The following FOLR1 variants were observed in gnomAD, a reference collection of about 807,000 sequenced individuals.
The protein encoded by FOLR1 is KB cells FBP.
Under a neutral mutation model 22.8 loss-of-function variants are expected in FOLR1, and 11 were observed. That is an observed-to-expected ratio of 0.48 (90% CI 0.30 to 0.80). The LOEUF (loss-of-function observed/expected upper bound fraction) is 0.80. Ranked by LOEUF, FOLR1 falls within the 30% of genes least tolerant of loss-of-function variation. The pLI, the probability that FOLR1 is intolerant of heterozygous loss-of-function variation, is 0.06. For missense variants in FOLR1, 273 were observed against 320.3 expected, an observed-to-expected ratio of 0.85 and a Z score of 1.13; for synonymous variants, 108 against 116.5, an observed-to-expected ratio of 0.93 and a Z score of 0.47.
Position 72,195,610 on chromosome 11 carries a change from A to G in FOLR1, c.358-2A>G, listed in dbSNP as rs369395654. The G allele has an allele frequency of 2.5e-6, 4 of 1,614,082 alleles. No individual in the cohort carries two copies. The highest frequency in any genetic ancestry group is 3.4e-6 in the Non-Finnish European group (4 of 1,180,042). ...CCCTTCTTTTGTATCAAAATCACCC[A>G]GGTGGATCAGAGCTGGCGCAAAGAG... On this transcript the variant is annotated splice_acceptor_variant, in intron 2 of 3. Transcript: ENST00000393676. LOFTEE classifies it high-confidence loss of function.
Position 72,192,344 on chromosome 11 carries a change from G to A in FOLR1, c.168+3G>A, listed in dbSNP as rs886048642. ...CCGAGGACAAGTTGCATGAGCAGGT[G>A]GGCCAGGGGGTGATCTGGGGTGGTG... On this transcript the variant is annotated splice_donor_region_variant and intron_variant, in intron 1 of 3. Coordinates refer to ENST00000393676, the MANE Select transcript of FOLR1 (RefSeq NM_016729.3). 6.2e-7 allele frequency: 1 copy of A among 1,613,972 alleles called. No individual in the cohort carries two copies. Among genetic ancestry groups the A allele is most frequent in the Non-Finnish European group, 8.5e-7 (1 of 1,180,006 alleles).
chr11:72,196,304 T>G (rs1051495168), downstream of FOLR1: 25 of 930,546 alleles, frequency 2.7e-5, no homozygotes, highest in Non-Finnish European at 4.1e-5. Context: ...ACCGCACATG[T>G]GTCTTGAGAA....
chr11:72,193,366 G>A (rs1301682511), intron 1 of FOLR1, among the ~76,000 whole-genome samples: 2 of 149,544 alleles, frequency 1.3e-5, no homozygotes, highest in African/African-American at 4.9e-5. Flanking sequence ...AAGGAAGGAA[G>A]GAAGGGGAGG....
intron 1 of FOLR1, among the ~76,000 whole-genome samples, chr11:72,194,236 C>T (rs1202303004): frequency 6.6e-6 from 1 of 152,166 alleles, no homozygotes; most frequent in Admixed American, 6.6e-5. Flanking sequence ...TAAGTTGTTT[C>T]TCAATAACTT....
At chr11:72,195,138 G>C in intron 1 of FOLR1, 133 bp from the exon 2 acceptor site, 1 of 899,502 alleles carries the variant, frequency 1.1e-6, no homozygotes, top group South Asian at 1.4e-5. Context: ...GGTCCCAATA[G>C]CAAGTATTTT....
In FOLR1 at chr11:72,196,227, C is replaced by G. The variant is rs1216595259; in HGVS notation, c.*50C>G. The G allele has an allele frequency of 4.4e-6, 7 of 1,604,456 alleles. No homozygotes were observed. Among genetic ancestry groups the G allele is most frequent in the Non-Finnish European group, 6.0e-6 (7 of 1,171,942 alleles). ...GAAATCCCTGCCCTGTTCAGCCCCA[C>G]AGCTCCCAACTATTTGGTTCCTGCT... is the stretch of plus-strand genomic sequence containing the variant. On this transcript the variant is annotated 3_prime_UTR_variant, in exon 4 of 4. Transcript: ENST00000393676.
Position 72,195,467 on chromosome 11 carries a change from T to A in FOLR1, c.357+8T>A, listed in dbSNP as rs886042924. Reference sequence around the variant, plus strand: ...GGGCCCTGGATCCAGCAGGTATGCATGGCTTCCTGCAGGTACAAGACCTAG... The same window carrying A: ...GGGCCCTGGATCCAGCAGGTATGCAAGGCTTCCTGCAGGTACAAGACCTAG... On this transcript the variant is annotated splice_region_variant and intron_variant, in intron 2 of 3. Coordinates refer to ENST00000393676, the MANE Select transcript of FOLR1 (RefSeq NM_016729.3). 28 of 1,614,050 alleles carry A rather than the reference T, an allele frequency of 1.7e-5. No individual in the cohort carries two copies. In the African/African-American group the frequency reaches 3.6e-4, roughly 21 times the overall value.
chr11:72,195,011 G>A (rs950323279), intron 1 of FOLR1, among the ~76,000 whole-genome samples: 4 of 152,214 alleles, frequency 2.6e-5, no homozygotes, highest in Admixed American at 1.3e-4. Flanking sequence ...AAGTACCTGG[G>A]TGAGAGTAAG....
In FOLR1 at chr11:72,195,648, G is replaced by A. The variant is rs749779274; in HGVS notation, c.394G>A (p.Val132Met). Residue 132 changes from valine to methionine, a missense_variant, in exon 3 of 4, where the codon GTG (valine) becomes ATG (methionine). Val to Met is a conservative substitution (Grantham distance 21, BLOSUM62 1). Transcript: ENST00000393676. ...CTGGCGCAAAGAGCGGGTACTGAACGTGCCCCTGTGCAAAGAGGACTGTGA... is the reference window on the plus strand; with the variant it reads ...CTGGCGCAAAGAGCGGGTACTGAACATGCCCCTGTGCAAAGAGGACTGTGA... ...QSWRKERVLN[V>M]PLCKEDCEQW... 19 of 1,614,216 alleles carry A rather than the reference G, an allele frequency of 1.2e-5. No homozygotes were observed. The highest frequency in any genetic ancestry group is 8.8e-5 in the South Asian group (8 of 91,080).
rs918010760 is a variant in FOLR1 at position 72,196,220 on chromosome 11, A to G, written c.*43A>G. 3.1e-6 allele frequency: 5 copies of G among 1,609,902 alleles called. No homozygotes were observed. In the African/African-American group the frequency reaches 4.0e-5, roughly 13 times the overall value. On this transcript the variant is annotated 3_prime_UTR_variant, in exon 4 of 4. Coordinates refer to ENST00000393676, the MANE Select transcript of FOLR1 (RefSeq NM_016729.3). ...ATACCTGGAAATCCCTGCCCTGTTC[A>G]GCCCCACAGCTCCCAACTATTTGGT... is the stretch of plus-strand genomic sequence containing the variant.
Position 72,195,315 on chromosome 11 carries a change from C to G in FOLR1, c.213C>G (p.Ser71Arg). 1.2e-6 allele frequency: 2 copies of G among 1,614,218 alleles called. No homozygotes were observed. Among genetic ancestry groups the G allele is most frequent in the Non-Finnish European group, 1.7e-6 (2 of 1,180,028 alleles). ...ATGCCTGCTGTTCTACCAACACCAGCCAGGAAGCCCATAAGGATGTTTCCT... is the reference window on the plus strand; with the variant it reads ...ATGCCTGCTGTTCTACCAACACCAGGCAGGAAGCCCATAAGGATGTTTCCT... The part of the protein sequence containing the change: ...RKNACCSTNT[S>R]QEAHKDVSYL... Residue 71 changes from serine (S) to arginine (R), a missense_variant, in exon 2 of 4, where the codon AGC (serine) becomes AGG (arginine). Transcript: ENST00000393676.
chr11:72,196,189 C>T lies in FOLR1; in HGVS notation c.*12C>T, dbSNP rs922318709. On this transcript the variant is annotated 3_prime_UTR_variant, in exon 4 of 4. Coordinates refer to ENST00000393676, the MANE Select transcript of FOLR1 (RefSeq NM_016729.3). ...GGCTGCTCAGCTGACCTCCTTTTAC[C>T]TTCTGATACCTGGAAATCCCTGCCC... 6.2e-7 allele frequency: 1 copy of T among 1,614,038 alleles called. No homozygotes were observed. The highest frequency in any genetic ancestry group is 8.5e-7 in the Non-Finnish European group (1 of 1,179,944).
chr11:72,192,040 G>A, upstream of FOLR1: 1 of 930,646 alleles, frequency 1.1e-6, no homozygotes, highest in Non-Finnish European at 1.7e-6. Flanking sequence ...AAAACTGAGG[G>A]AGATGGGGGC....
chr11:72,189,926 C>T (rs577571815), upstream of FOLR1, among the ~76,000 whole-genome samples: 5 of 152,304 alleles, frequency 3.3e-5, no homozygotes, highest in South Asian at 2.1e-4. Context: ...CAAGGTTAAA[C>T]GACAAGTTAG....
rs1565364046 is a variant in FOLR1, at chr11:72,192,348, C to G, written c.168+7C>G. ...GGACAAGTTGCATGAGCAGGTGGGC[C>G]AGGGGGTGATCTGGGGTGGTGAGGG... On this transcript the variant is annotated splice_region_variant and intron_variant, in intron 1 of 3. Transcript: ENST00000393676. 6.2e-7 allele frequency: 1 copy of G among 1,613,772 alleles called. No individual in the cohort carries two copies. The highest frequency in any genetic ancestry group is 1.1e-5 in the South Asian group (1 of 91,070).
At chr11:72,192,091 T>C, upstream of FOLR1, 3 of 1,515,472 alleles carry the variant, frequency 2.0e-6, no homozygotes, top group Non-Finnish European at 2.7e-6. Context: ...GGCCCCACCC[T>C]CCTGGAGCCC....
At position 72,192,210 on chromosome 11, in the gene FOLR1, C is replaced by T. The variant is rs1948165435; in HGVS notation, c.37C>T (p.Leu13=). Residue 13 remains leucine, a synonymous_variant, in exon 1 of 4, where the codon CTA becomes TTA. Transcript: ENST00000393676. ...GATGACAACACAGCTGCTGCTCCTT[C>T]TAGTGTGGGTGGCTGTAGTAGGGGA... ...QRMTTQLLLL[L]VWVAVVGEAQ... is the part of the protein sequence containing the mutation. 1.2e-6 allele frequency: 2 copies of T among 1,614,180 alleles called. No individual in the cohort carries two copies. The highest frequency in any genetic ancestry group is 1.7e-6 in the Non-Finnish European group (2 of 1,180,034).
chr11:72,191,115 C>T (rs184196139), upstream of FOLR1, among the ~76,000 whole-genome samples: 15 of 152,262 alleles, frequency 9.9e-5, no homozygotes, highest in East Asian at 2.9e-3. Flanking sequence ...CTGTGATGAC[C>T]AAGGAGAAGC....
rs894299347 is a variant in FOLR1, at chr11:72,195,892, T to C, written c.494-5T>C. ...GTGGCTAAAGGTCTTCCCTCCTCTC[T>C]ACAGGGTTTAACAAGTGCGCAGTGG... On this transcript the variant is annotated splice_region_variant and splice_polypyrimidine_tract_variant and intron_variant, in intron 3 of 3. Coordinates refer to ENST00000393676, the MANE Select transcript of FOLR1 (RefSeq NM_016729.3). 6.2e-7 allele frequency: 1 copy of C among 1,614,208 alleles called. No homozygotes were observed. The highest frequency in any genetic ancestry group is 8.5e-7 in the Non-Finnish European group (1 of 1,180,036).
Sources: allele counts gnomAD v4.1 joint callset (sites outside exome capture counted in the v4.1 genomes callset), GRCh38; gene constraint gnomAD v4.1.1; transcripts MANE v1.5; gene names NCBI Gene and HGNC (gene_info 2026-07-23, HGNC 2026-07-21).